ENOX1: variants seen among roughly 807,000 people sequenced by gnomAD.
ENOX1 encodes the protein ecto-NOX disulfide-thiol exchanger 1.
A neutral mutation model predicts 82.5 loss-of-function variants in ENOX1; 42 were observed. The observed-to-expected ratio is 0.51, with a 90% confidence interval of 0.40 to 0.66. ENOX1 has a LOEUF of 0.66. ENOX1 is among the 30% of genes least tolerant of loss of function. ENOX1 has a pLI of 0.00. For synonymous variants in ENOX1, 271 were observed against 282.2 expected, an observed-to-expected ratio of 0.96 and a Z score of 0.40; for missense variants, 608 against 811.6, an observed-to-expected ratio of 0.75 and a Z score of 3.05.
intron 14 of ENOX1, among the ~76,000 whole-genome samples, chr13:43,261,001 C>T (rs192823448): frequency 1.2e-3 from 176 of 152,290 alleles, no homozygotes; most frequent in Non-Finnish European, 2.1e-3. Flanking sequence ...AGAACAAGGC[C>T]TTTGCAGTTG....
intron 1 of ENOX1, among the ~76,000 whole-genome samples, chr13:43,752,652 A>T (rs185361734): frequency 3.3e-5 from 5 of 152,228 alleles, no homozygotes; most frequent in African/African-American, 1.2e-4. Context: ...AATTGCCCCC[A>T]TGCCTTGGTC....
At chr13:43,234,225 CTCTT>C (rs1363697076) in intron 15 of ENOX1, among the ~76,000 whole-genome samples, 3 of 152,158 alleles carry the variant, frequency 2.0e-5, no homozygotes, top group Non-Finnish European at 4.4e-5. Context: ...GTCTTGGAAA[CTCTT>C]TCCCATTGTG....
chr13:43,740,699 C>CA (rs2089865373), intron 1 of ENOX1, among the ~76,000 whole-genome samples: 1 of 152,288 alleles, frequency 6.6e-6, no homozygotes, highest in African/African-American at 2.4e-5. Flanking sequence ...ACCTCCACCC[C>CA]AAACTCTTGG....
chr13:43,226,038 T>C (rs528052476), intron 15 of ENOX1, among the ~76,000 whole-genome samples: 323 of 152,354 alleles, frequency 2.1e-3, no homozygotes, highest in African/African-American at 7.3e-3. Context: ...CCACTTTTAA[T>C]GTACTCAGGG....
At chr13:43,546,621 G>A (rs1277021771) in intron 2 of ENOX1, 1 of 152,214 alleles carries the variant, frequency 6.6e-6, no homozygotes. Context: ...GAGCTCTGCA[G>A]ATTTTGACAG....
chr13:43,338,830 C>T (rs1386763299), intron 9 of ENOX1, among the ~76,000 whole-genome samples: 7 of 151,702 alleles, frequency 4.6e-5, no homozygotes, highest in African/African-American at 7.3e-5. Flanking sequence ...GGACTACAGG[C>T]GCCCGCCACT....
At chr13:43,486,362 C>A (rs2076417193) in intron 2 of ENOX1, among the ~76,000 whole-genome samples, 1 of 151,384 alleles carries the variant, frequency 6.6e-6, no homozygotes, top group Non-Finnish European at 1.5e-5. Context: ...CGGGCCTGGG[C>A]AAGTAAGTGA....
intron 2 of ENOX1, among the ~76,000 whole-genome samples, chr13:43,569,511 T>C (rs1044699181): frequency 2.0e-5 from 3 of 152,190 alleles, no homozygotes; most frequent in Non-Finnish European, 4.4e-5. Flanking sequence ...GACTTCATTG[T>C]AGCTCACAGA....
intron 8 of ENOX1, among the ~76,000 whole-genome samples, chr13:43,353,396 A>G (rs1018764143): frequency 6.6e-5 from 10 of 152,266 alleles, no homozygotes; most frequent in Non-Finnish European, 4.4e-5. Context: ...AGTATCTGTA[A>G]TAAATCTAAG....
intron 15 of ENOX1, among the ~76,000 whole-genome samples, chr13:43,231,938 CT>C (rs1303117187): frequency 6.6e-6 from 1 of 151,702 alleles, no homozygotes; most frequent in Non-Finnish European, 1.5e-5. Flanking sequence ...TCTTTTTTTT[CT>C]TTTTTGACAG....
intron 4 of ENOX1, 49 bp from the exon 5 acceptor site, chr13:43,412,102 T>C (rs1276672865): frequency 6.3e-7 from 1 of 1,585,848 alleles, no homozygotes; most frequent in Non-Finnish European, 8.6e-7. Flanking sequence ...CAAGGGTGTT[T>C]GTTTTAAAGA....
intron 5 of ENOX1, among the ~76,000 whole-genome samples, chr13:43,411,519 G>A (rs2054124988): frequency 6.6e-6 from 1 of 152,154 alleles, no homozygotes; most frequent in Non-Finnish European, 1.5e-5. Flanking sequence ...TTCTCTATTT[G>A]TAAAATGGAA....
At chr13:43,629,571 CCA>C (rs1039831965) in intron 2 of ENOX1, among the ~76,000 whole-genome samples, 13 of 152,194 alleles carry the variant, frequency 8.5e-5, no homozygotes, top group African/African-American at 3.1e-4. Flanking sequence ...AAAATCACAT[CCA>C]CTCCAATTAC....
chr13:43,290,417 C>T (rs943296681), intron 12 of ENOX1, among the ~76,000 whole-genome samples: 2 of 151,680 alleles, frequency 1.3e-5, no homozygotes, highest in South Asian at 2.1e-4. Flanking sequence ...ACAACTACAA[C>T]CATAAAAAAG....
At chr13:43,704,403 TA>T (rs1157091606) in intron 1 of ENOX1, among the ~76,000 whole-genome samples, 1 of 151,104 alleles carries the variant, frequency 6.6e-6, no homozygotes, top group Non-Finnish European at 1.5e-5. Flanking sequence ...ACACAAAACA[TA>T]AAAACAACTT....
chr13:43,267,914 A>C (rs2044473190), intron 13 of ENOX1, among the ~76,000 whole-genome samples: 2 of 152,244 alleles, frequency 1.3e-5, no homozygotes, highest in South Asian at 4.1e-4. Flanking sequence ...CTAGGTCTTT[A>C]ATGATTTTAG....
intron 9 of ENOX1, among the ~76,000 whole-genome samples, chr13:43,329,287 G>C (rs1480180992): frequency 6.6e-6 from 1 of 152,166 alleles, no homozygotes; most frequent in Admixed American, 6.5e-5. Context: ...AAATTACAAA[G>C]GAATGAATTA....
chr13:43,669,620 G>C (rs189615562), intron 1 of ENOX1, among the ~76,000 whole-genome samples: 1 of 151,440 alleles, frequency 6.6e-6, no homozygotes, highest in Admixed American at 6.6e-5. Flanking sequence ...CTTCACTAAC[G>C]TCCCCACATT....
chr13:43,506,410 T>C (rs1351681511), intron 2 of ENOX1, among the ~76,000 whole-genome samples: 1 of 150,184 alleles, frequency 6.7e-6, no homozygotes, highest in Non-Finnish European at 1.5e-5. Context: ...AGTTCAACCA[T>C]TGTGGAAGTC....
Sources: gnomAD v4.1 joint callset for allele counts (sites outside exome capture counted in the v4.1 genomes callset) on GRCh38, gnomAD v4.1.1 for gene constraint, MANE v1.5 for transcripts, NCBI Gene and HGNC (gene_info 2026-07-23, HGNC 2026-07-21) for gene names.